The following PARD3 variants were observed in gnomAD, a reference collection of about 807,000 sequenced individuals.
The protein encoded by PARD3 is partitioning defective 3 homolog.
A neutral mutation model predicts 155.4 loss-of-function variants in PARD3; 75 were observed. That is an observed-to-expected ratio of 0.48 (90% confidence interval 0.40 to 0.58). The LOEUF (loss-of-function observed/expected upper bound fraction) is 0.58. PARD3 is among the 20% of genes least tolerant of loss of function. The pLI is 0.00. For synonymous variants in PARD3, 576 were observed against 610.5 expected (o/e 0.94, Z 0.83); for missense variants, 1,642 against 1,721.7 (o/e 0.95, Z 0.82).
intron 14 of PARD3, among the ~76,000 whole-genome samples, chr10:34,353,130 G>A (rs914727094): frequency 6.6e-6 from 1 of 152,042 alleles, no homozygotes; most frequent in African/African-American, 2.4e-5. Flanking sequence ...TCTGGGAAGT[G>A]GGGGGCAGCC....
intron 22 of PARD3, among the ~76,000 whole-genome samples, chr10:34,181,784 T>C (rs976729396): frequency 6.6e-6 from 1 of 152,092 alleles, no homozygotes; most frequent in Non-Finnish European, 1.5e-5. Context: ...GTGTTTGACC[T>C]CTATGCAAAT....
intron 22 of PARD3, among the ~76,000 whole-genome samples, chr10:34,247,013 A>C (rs1383647910): frequency 6.6e-6 from 1 of 152,064 alleles, no homozygotes; most frequent in Non-Finnish European, 1.5e-5. Context: ...CTGGAGCCCA[A>C]GAGTGTGAGG....
In PARD3 at chr10:34,281,361, A is replaced by AG. The variant is rs149743539; in HGVS notation, c.3176+2773dup. ...TACCTAGGTTCAGTGCTCCAGAATG[A>AG]GAAGTCAAAAATAGCATGTCGGAAA... is the stretch of plus-strand genomic sequence containing the variant. On this transcript the variant is annotated intron_variant, in intron 21 of 24. Coordinates refer to ENST00000374788, the MANE Select transcript of PARD3 (RefSeq NM_001184785.2). Among the ~76,000 whole-genome samples the AG allele has an allele frequency of 2.9e-3, 437 of 152,320 alleles. 2 individuals are homozygous for AG. The highest frequency in any genetic ancestry group is 9.7e-3 in the African/African-American group (403 of 41,562).
chr10:34,804,620 C>T (rs1843148029), intron 1 of PARD3, among the ~76,000 whole-genome samples: 1 of 152,228 alleles, frequency 6.6e-6, no homozygotes, highest in African/African-American at 2.4e-5. Flanking sequence ...TTATAAATGA[C>T]ACATGTTAAA....
chr10:34,194,532 T>C (rs939085230), intron 22 of PARD3, among the ~76,000 whole-genome samples: 3 of 151,928 alleles, frequency 2.0e-5, no homozygotes, highest in Admixed American at 6.6e-5. Context: ...ATGCATCAAC[T>C]GTGGTTTCTG....
chr10:34,173,195 A>T (rs1013266623), intron 22 of PARD3, among the ~76,000 whole-genome samples: 5 of 151,900 alleles, frequency 3.3e-5, no homozygotes, highest in African/African-American at 1.2e-4. Context: ...CTTCCGAAAA[A>T]CCCCGAAGTC....
At chr10:34,425,486 C>T (rs2075554453) in intron 5 of PARD3, among the ~76,000 whole-genome samples, 1 of 152,146 alleles carries the variant, frequency 6.6e-6, no homozygotes, top group Admixed American at 6.5e-5. Flanking sequence ...GCCTCGAACT[C>T]CTGGGCTCAA....
chr10:34,167,148 C>T (rs1264099684), intron 22 of PARD3, among the ~76,000 whole-genome samples: 1 of 152,176 alleles, frequency 6.6e-6, no homozygotes, highest in Non-Finnish European at 1.5e-5. Flanking sequence ...AATAACCTGT[C>T]AAGGAAATCT....
chr10:34,558,925 C>G (rs575823815), intron 2 of PARD3, among the ~76,000 whole-genome samples: 204 of 152,188 alleles, frequency 1.3e-3, no homozygotes, highest in Non-Finnish European at 1.9e-3. Flanking sequence ...CCAGCCTGGG[C>G]GACAGAGTGA....
intron 5 of PARD3, among the ~76,000 whole-genome samples, chr10:34,438,370 T>C (rs1253305890): frequency 6.6e-6 from 1 of 152,208 alleles, no homozygotes; most frequent in African/African-American, 2.4e-5. Flanking sequence ...TGCTAAGTTA[T>C]AAGCAATAAT....
rs376428810 is a variant in PARD3, at chr10:34,782,758, G to A, written c.120+32118C>T. Among the ~76,000 whole-genome samples, 178 of 145,540 alleles carry A rather than the reference G, an allele frequency of 1.2e-3. 1 individual carries two copies. The highest frequency in any genetic ancestry group is 4.2e-3 in the African/African-American group (166 of 39,184). ...TCTTTTTTTTTTGAGACTGAGTCTT[G>A]CTCTGTCACCCAGGCTAGAGTGTAG... On this transcript the variant is annotated intron_variant, in intron 1 of 24. Transcript: ENST00000374788.
chr10:34,399,412 C>T lies in PARD3; in HGVS notation c.808G>A (p.Asp270Asn), dbSNP rs1843664350. Residue 270 changes from aspartate to asparagine, a missense_variant and splice_region_variant, in exon 7 of 25, where the codon GAT (aspartate) becomes AAT (asparagine). Transcript: ENST00000374788. ...GGGACTTCTACGAGCTTTACCATAT[C>T]ACTGTGAGACAATGATGAATGAGGG... ...LEHIPNFSLD[D>N]MVKLVEVPND... 2.5e-6 allele frequency: 4 copies of T among 1,599,032 alleles called. No homozygotes were observed. In the Admixed American group the frequency reaches 5.0e-5, roughly 20 times the overall value.
rs185116792 is a variant in PARD3 at position 34,740,369 on chromosome 10, A to C, written c.121-43950T>G. Among the ~76,000 whole-genome samples, 15 of 152,362 alleles carry C rather than the reference A, an allele frequency of 9.8e-5. No individual in the cohort carries two copies. The East Asian group carries it at 2.7e-3, about 27-fold the overall frequency. On this transcript the variant is annotated intron_variant, in intron 1 of 24. Transcript: ENST00000374788. ...AAAAGGATAAAAAATGGATCAGTGC[A>C]TCTGGTCTCCCTGTCAACAAACATA...
chr10:34,559,603 C>T (rs1379138066), intron 2 of PARD3, among the ~76,000 whole-genome samples: 1 of 152,176 alleles, frequency 6.6e-6, no homozygotes, highest in Non-Finnish European at 1.5e-5. Context: ...AAGATTGCTA[C>T]CTTTTTAACA....
intron 22 of PARD3, among the ~76,000 whole-genome samples, chr10:34,139,301 G>C (rs1426994762): frequency 6.6e-6 from 1 of 152,170 alleles, no homozygotes; most frequent in Non-Finnish European, 1.5e-5. Context: ...ATCTTCACAG[G>C]AGGTTCTTGC....
intron 22 of PARD3, among the ~76,000 whole-genome samples, chr10:34,157,679 T>C (rs938662719): frequency 6.6e-6 from 1 of 152,226 alleles, no homozygotes; most frequent in Non-Finnish European, 1.5e-5. Flanking sequence ...TGACTCATAT[T>C]TAAAATCTGA....
At chr10:34,207,066 A>G (rs11598416) in intron 22 of PARD3, among the ~76,000 whole-genome samples, 25,536 of 152,198 alleles carry the variant, frequency 0.17, 2,481 homozygotes, top group Middle Eastern at 0.3. Context: ...GTGCTGGCAC[A>G]CAGGTATGCT....
At chr10:34,269,625 G>A (rs1955514512) in intron 22 of PARD3, 32 bp downstream of exon 22, 2 of 1,605,890 alleles carry the variant, frequency 1.2e-6, no homozygotes, top group South Asian at 2.2e-5. Context: ...AGCTGATTTG[G>A]AAGCAATACC....
At chr10:34,154,691 CGAGA>C (rs1426364555) in intron 22 of PARD3, among the ~76,000 whole-genome samples, 1 of 152,090 alleles carries the variant, frequency 6.6e-6, no homozygotes, top group African/African-American at 2.4e-5. Flanking sequence ...TCTCACGTTT[CGAGA>C]GAGAGACAGA....
Sources: allele counts gnomAD v4.1 joint callset (sites outside exome capture counted in the v4.1 genomes callset), GRCh38; gene constraint gnomAD v4.1.1; transcripts MANE v1.5; gene names NCBI Gene and HGNC (gene_info 2026-07-23, HGNC 2026-07-21).